The following BEND5 variants were observed in gnomAD, a reference collection of about 807,000 sequenced individuals.
BEND5 encodes BEN domain-containing protein 5.
A neutral mutation model predicts 43.9 loss-of-function variants in BEND5; 22 were observed. That is an observed-to-expected ratio of 0.50 (90% CI 0.36 to 0.72). The LOEUF is 0.72. Among genes scored for constraint, BEND5 ranks in the 30% least tolerant of loss-of-function variants. BEND5 has a pLI of 0.00. For missense variants in BEND5, 428 were observed against 550.6 expected (o/e 0.78, Z 2.23); for synonymous variants, 228 against 225.9 (o/e 1.01, Z -0.08).
chr1:48,760,972 T>C (rs1333289243), intron 2 of BEND5: 1 of 173,030 alleles, frequency 5.8e-6, no homozygotes, highest in Non-Finnish European at 1.2e-5. Flanking sequence ...ACTCTGACAG[T>C]GACTGGCCCT....
At chr1:48,775,598 C>T (rs1399647716) in intron 1 of BEND5, among the ~76,000 whole-genome samples, 3 of 152,196 alleles carry the variant, frequency 2.0e-5, no homozygotes, top group African/African-American at 7.2e-5. Flanking sequence ...GATGATACTT[C>T]CCCCTTCCTT....
chr1:48,774,649 G>C (rs1644990484), intron 1 of BEND5, among the ~76,000 whole-genome samples: 1 of 152,218 alleles, frequency 6.6e-6, no homozygotes, highest in African/African-American at 2.4e-5. Flanking sequence ...AGGATGAACA[G>C]TCTACAGGTT....
chr1:48,742,802 A>G, intron 3 of BEND5, 31 bp from the exon 4 acceptor site: 1 of 1,487,896 alleles, frequency 6.7e-7, no homozygotes, highest in Non-Finnish European at 9.0e-7. Flanking sequence ...ATCTGTCTAG[A>G]ACTCCAAGGA....
Position 48,759,158 on chromosome 1 carries a change from C to T in BEND5, c.487G>A (p.Ala163Thr), listed in dbSNP as rs540778259. The T allele has an allele frequency of 1.2e-6, 2 of 1,614,172 alleles. No individual in the cohort carries two copies. The highest frequency in any genetic ancestry group is 1.7e-5 in the Admixed American group (1 of 60,018). ...STCPEEVFVEASPGTEDMDSL... is the reference protein window; with the variant it reads ...STCPEEVFVETSPGTEDMDSL... ...TCCATGTCCTCTGTGCCTGGCGAGG[C>T]CTCCACGAAGACCTCTTCCGGACAC... The change falls in exon 3 of 6, where the codon GCC becomes ACC. Residue 163 changes from alanine to threonine, a missense_variant. Physicochemically the swap from Ala to Thr is moderately conservative, Grantham distance 58 (BLOSUM62 0). Transcript: ENST00000371833.
intron 1 of BEND5, among the ~76,000 whole-genome samples, chr1:48,772,981 C>G (rs545875572): frequency 1.2e-4 from 18 of 152,264 alleles, no homozygotes; most frequent in South Asian, 8.3e-4. Context: ...CTCCCTCCCC[C>G]ACAGAAATCC....
chr1:48,767,514 G>A (rs1476966736), intron 1 of BEND5, among the ~76,000 whole-genome samples: 2 of 152,192 alleles, frequency 1.3e-5, no homozygotes. Context: ...AGAACACAGG[G>A]TGACAAGAAG....
At position 48,730,885 on chromosome 1, in the gene BEND5, T is replaced by G. The variant is rs547173419; in HGVS notation, c.1109-2842A>C. Reference sequence around the variant, plus strand: ...AACTCAGACACTCCACAAAAGGTCATTTGACCTTAATAGGTTTAACTGTCA... The same window carrying G: ...AACTCAGACACTCCACAAAAGGTCAGTTGACCTTAATAGGTTTAACTGTCA... On this transcript the variant is annotated intron_variant, in intron 5 of 5. Coordinates refer to ENST00000371833, the MANE Select transcript of BEND5 (RefSeq NM_024603.4). 3.3e-5 allele frequency among the ~76,000 whole-genome samples: 5 copies of G among 152,344 alleles called. No individual in the cohort carries two copies. The East Asian group carries it at 9.6e-4, about 29-fold the overall frequency.
At chr1:48,750,344 G>A (rs570669555) in intron 3 of BEND5, among the ~76,000 whole-genome samples, 34 of 152,242 alleles carry the variant, frequency 2.2e-4, no homozygotes, top group African/African-American at 6.7e-4. Flanking sequence ...TCACTGTGCC[G>A]TCCAACCAGA....
At chr1:48,735,758 G>A (rs1052676302) in intron 5 of BEND5, among the ~76,000 whole-genome samples, 37 of 151,716 alleles carry the variant, frequency 2.4e-4, no homozygotes, top group African/African-American at 8.0e-4. Flanking sequence ...CAAGAACTGC[G>A]TCCCCTAGCC....
chr1:48,752,607 G>A (rs559416211), intron 3 of BEND5, among the ~76,000 whole-genome samples: 1 of 152,276 alleles, frequency 6.6e-6, no homozygotes, highest in East Asian at 1.9e-4. Flanking sequence ...TTCTGCTGTA[G>A]GACAATGGGT....
chr1:48,767,913 T>C (rs1431111461), intron 1 of BEND5, among the ~76,000 whole-genome samples: 1 of 152,184 alleles, frequency 6.6e-6, no homozygotes, highest in African/African-American at 2.4e-5. Context: ...CAACAAATAC[T>C]GAGTGAGCAC....
chr1:48,768,554 G>A (rs1644647395), intron 1 of BEND5, among the ~76,000 whole-genome samples: 1 of 152,144 alleles, frequency 6.6e-6, no homozygotes, highest in African/African-American at 2.4e-5. Flanking sequence ...CAGGTGACAG[G>A]AAACCCAATG....
intron 3 of BEND5, among the ~76,000 whole-genome samples, chr1:48,747,561 T>G (rs371744219): frequency 1.3e-5 from 2 of 152,232 alleles, no homozygotes; most frequent in East Asian, 3.9e-4. Context: ...ATAACTCTGA[T>G]TTAACGGATA....
chr1:48,745,228 A>C (rs945488890), intron 3 of BEND5, among the ~76,000 whole-genome samples: 6 of 152,156 alleles, frequency 3.9e-5, no homozygotes, highest in African/African-American at 1.4e-4. Flanking sequence ...TCTGAAGTAA[A>C]GTCCTGCTGC....
At chr1:48,737,438 C>T (rs1424883405) in intron 4 of BEND5, among the ~76,000 whole-genome samples, 1 of 152,206 alleles carries the variant, frequency 6.6e-6, no homozygotes, top group Admixed American at 6.5e-5. Context: ...AGGAGAGCAG[C>T]TGCCCTGCCA....
At chr1:48,774,458 A>G (rs535759362) in intron 1 of BEND5, among the ~76,000 whole-genome samples, 2 of 152,324 alleles carry the variant, frequency 1.3e-5, no homozygotes, top group African/African-American at 4.8e-5. Flanking sequence ...GGTTTGGCCA[A>G]CTTCAAGTTG....
intron 3 of BEND5, among the ~76,000 whole-genome samples, chr1:48,748,494 G>T (rs934683802): frequency 6.6e-6 from 1 of 152,196 alleles, no homozygotes; most frequent in Admixed American, 6.5e-5. Context: ...GAGAAAAACT[G>T]GGGCAGAAGC....
intron 1 of BEND5, 43 bp downstream of exon 1, chr1:48,776,563 C>T (rs1645098138): frequency 7.5e-7 from 1 of 1,337,232 alleles, no homozygotes; most frequent in Non-Finnish European, 9.7e-7. Context: ...GGGGTCCCAG[C>T]CCCCGCCCGG....
chr1:48,736,470 AC>A lies in BEND5; in HGVS notation c.895-19del. ...AGATGGACCTGAGAGGAATAAGAAC[AC>A]CAGCACCTGTTTAGTCCGACAGGAG... On this transcript the variant is annotated intron_variant, in intron 4 of 5. Transcript: ENST00000371833. This position sits in a 1 kb window ranked among gnomAD's most constrained non-coding sequence, Gnocchi z 4.0. The A allele has an allele frequency of 6.2e-7, 1 of 1,610,730 alleles. No individual in the cohort carries two copies. Among genetic ancestry groups the A allele is most frequent in the Non-Finnish European group, 8.5e-7 (1 of 1,177,208 alleles).
Sources: allele counts gnomAD v4.1 joint callset (sites outside exome capture counted in the v4.1 genomes callset), GRCh38; gene constraint gnomAD v4.1.1; non-coding constraint Gnocchi (gnomAD v3.1); transcripts MANE v1.5; gene names NCBI Gene and HGNC (gene_info 2026-07-23, HGNC 2026-07-21).